The following MMP2 variants were observed in gnomAD, a reference collection of about 807,000 sequenced individuals.
MMP2 encodes the protein 72 kDa type IV collagenase.
A neutral mutation model predicts 74.8 loss-of-function variants in MMP2; 39 were observed. The observed-to-expected ratio is 0.52, with a 90% CI of 0.40 to 0.68. The LOEUF (loss-of-function observed/expected upper bound fraction) is 0.68. Ranked by LOEUF, MMP2 falls within the 30% of genes least tolerant of loss-of-function variation. The probability of loss-of-function intolerance (pLI) is 0.00; values close to 1 mark genes in which losing one functional copy is unlikely to be tolerated. For missense variants in MMP2, 803 were observed against 878.3 expected, an observed-to-expected ratio of 0.91 and a Z score of 1.08; for synonymous variants, 367 against 339.8, an observed-to-expected ratio of 1.08 and a Z score of -0.88.
rs1254651164 is a variant in MMP2, at chr16:55,489,661, T to C, written c.1017T>C (p.Thr339=). ...TCCCTAACCCCACAGCCATGTCCAC[T>C]GTTGGTGGGAACTCAGAAGGTGCCC... ...YGFCPETAMS[T]VGGNSEGAPC... Residue 339 remains threonine, a synonymous_variant, in exon 7 of 13, where the codon ACT becomes ACC. Coordinates refer to ENST00000219070, the MANE Select transcript of MMP2 (RefSeq NM_004530.6). 23 of 1,614,180 alleles carry C rather than the reference T, an allele frequency of 1.4e-5. No homozygotes were observed. The highest frequency in any genetic ancestry group is 1.9e-5 in the Non-Finnish European group (23 of 1,180,032).
chr16:55,496,794 C>T, intron 9 of MMP2, 132 bp from the exon 10 acceptor site: 1 of 1,285,294 alleles, frequency 7.8e-7, no homozygotes, highest in South Asian at 1.2e-5. Context: ...TCCAACCTTC[C>T]TTTGATCCTG....
At chr16:55,481,656 G>A (rs894734001) in intron 1 of MMP2, 1 of 522,336 alleles carries the variant, frequency 1.9e-6, no homozygotes, top group Non-Finnish European at 3.5e-6. Flanking sequence ...GAACACCTCT[G>A]ACAAATGGAA....
In MMP2 at chr16:55,497,018, C is replaced by A. The variant is rs762457388; in HGVS notation, c.1565C>A (p.Ala522Glu). 1.2e-6 allele frequency: 2 copies of A among 1,613,988 alleles called. No individual in the cohort carries two copies. Among genetic ancestry groups the A allele is most frequent in the African/African-American group, 2.7e-5 (2 of 74,916 alleles). ...FWPELPEKID[A>E]VYEAPQEEKA... ...CCTGAGCTCCCGGAAAAGATTGATG[C>A]GGTATACGAGGCCCCACAGGAGGAG... Residue 522 changes from alanine (A) to glutamate (E), a missense_variant, in exon 10 of 13, where the codon GCG becomes GAG. Ala to Glu is a moderately radical substitution (Grantham distance 107). Coordinates refer to ENST00000219070, the MANE Select transcript of MMP2 (RefSeq NM_004530.6).
At chr16:55,482,325 C>T (rs1962124995) in intron 1 of MMP2, among the ~76,000 whole-genome samples, 1 of 152,214 alleles carries the variant, frequency 6.6e-6, no homozygotes. Context: ...AAACCCAGGT[C>T]TGTCTACTGC....
intron 8 of MMP2, among the ~76,000 whole-genome samples, chr16:55,492,636 G>A (rs534257270): frequency 4.6e-5 from 7 of 152,224 alleles, no homozygotes; most frequent in South Asian, 4.1e-4. Flanking sequence ...AAGGTCTGCC[G>A]TGAGGGGTGC....
intron 3 of MMP2, among the ~76,000 whole-genome samples, 193 bp downstream of exon 3, chr16:55,484,357 G>A (rs1466768692): frequency 6.6e-6 from 1 of 152,106 alleles, no homozygotes; most frequent in East Asian, 1.9e-4. Context: ...GTTGACATGG[G>A]GGCAGATGGT....
At chr16:55,503,882 A>G (rs1962730285) in intron 12 of MMP2, among the ~76,000 whole-genome samples, 1 of 152,164 alleles carries the variant, frequency 6.6e-6, no homozygotes, top group Admixed American at 6.6e-5. Flanking sequence ...GGCAGCTGCC[A>G]TGGTTCACAC....
chr16:55,502,730 G>A, intron 11 of MMP2, 49 bp from the exon 12 acceptor site: 1 of 1,533,510 alleles, frequency 6.5e-7, no homozygotes, highest in South Asian at 1.1e-5. Flanking sequence ...CAGGGGGGAA[G>A]TGTCCTTTAG....
intron 8 of MMP2, among the ~76,000 whole-genome samples, chr16:55,492,426 A>ATTATTTATTTAT (rs3996855): frequency 1.4e-5 from 2 of 143,390 alleles, no homozygotes; most frequent in Non-Finnish European, 3.1e-5. Flanking sequence ...CCTTAAGCCA[A>ATTATTTATTTAT]TTATTTATTT....
intron 5 of MMP2, 126 bp from the exon 6 acceptor site, chr16:55,488,417 T>C: frequency 1.1e-6 from 1 of 943,562 alleles, no homozygotes; most frequent in Non-Finnish European, 1.6e-6. Flanking sequence ...CCAGTAGAGA[T>C]GTTTTCTTAA....
chr16:55,497,153 C>T, intron 10 of MMP2, 91 bp downstream of exon 10: 4 of 1,564,734 alleles, frequency 2.6e-6, no homozygotes, highest in South Asian at 2.2e-5. Flanking sequence ...CCCTCTCAAA[C>T]CACAGTTCCT....
At chr16:55,505,095 G>T (rs986994765) in intron 12 of MMP2, among the ~76,000 whole-genome samples, 2 of 151,994 alleles carry the variant, frequency 1.3e-5, no homozygotes, top group Non-Finnish European at 2.9e-5. Context: ...TGGACTACAG[G>T]AATGTACCAC....
At chr16:55,498,554 T>G in intron 11 of MMP2, 106 bp downstream of exon 11, 1 of 1,454,170 alleles carries the variant, frequency 6.9e-7, no homozygotes, top group Non-Finnish European at 9.6e-7. Flanking sequence ...GTTGGTGGGC[T>G]CTGGATGCCC....
chr16:55,479,742 G>A, intron 1 of MMP2, 110 bp downstream of exon 1: 1 of 1,430,150 alleles, frequency 7.0e-7, no homozygotes, highest in Non-Finnish European at 9.7e-7. Context: ...CGTGGGGGAG[G>A]GGCTTCGGTA....
chr16:55,479,288 C>A lies in MMP2; in HGVS notation c.-192C>A. 1 of 476,864 alleles carries A rather than the reference C, an allele frequency of 2.1e-6. No individual in the cohort carries two copies. Among genetic ancestry groups the A allele is most frequent in the Non-Finnish European group, 3.2e-6 (1 of 313,428 alleles). The allele number at this position is 476,864 out of a possible 1,614,324, so 29.5% of individuals were successfully genotyped here. A position where few individuals can be genotyped will look rare whatever the true frequency, so the allele number is the denominator to read the frequency against. ...GGATTGCCAGGACCTGCGGCGGCGG[C>A]GGCGGCGGCGGGGGCTGGGGCGCGG... On this transcript the variant is annotated 5_prime_UTR_variant, in exon 1 of 13. Coordinates refer to ENST00000219070, the MANE Select transcript of MMP2 (RefSeq NM_004530.6).
rs192216470 is a variant in MMP2, at chr16:55,491,732, G to A, written c.1181-69G>A. ...TGTCCTCAAAAGTCTGCATCACTGG[G>A]TCAGGTCTTGACTTCTCTCTCATCT... On this transcript the variant is annotated intron_variant, in intron 7 of 12. Coordinates refer to ENST00000219070, the MANE Select transcript of MMP2 (RefSeq NM_004530.6). The A allele has an allele frequency of 3.0e-3, 4,737 of 1,568,842 alleles. 8 individuals are homozygous for A. The highest frequency in any genetic ancestry group is 3.8e-3 in the Non-Finnish European group (4,378 of 1,139,058).
intron 12 of MMP2, among the ~76,000 whole-genome samples, chr16:55,503,411 T>C (rs745442817): frequency 5.3e-5 from 8 of 152,122 alleles, no homozygotes; most frequent in Non-Finnish European, 8.8e-5. Context: ...TTGAAAATCA[T>C]ACTCTTGAGG....
intron 11 of MMP2, among the ~76,000 whole-genome samples, chr16:55,499,396 C>G (rs1274030423): frequency 6.6e-6 from 1 of 152,046 alleles, no homozygotes; most frequent in Non-Finnish European, 1.5e-5. Context: ...GATGGGTGCA[C>G]CAGTCATCCA....
Position 55,491,793 on chromosome 16 carries a change from A to C in MMP2, c.1181-8A>C, listed in dbSNP as rs569670960. On this transcript the variant is annotated splice_polypyrimidine_tract_variant and splice_region_variant and intron_variant, in intron 7 of 12. Coordinates refer to ENST00000219070, the MANE Select transcript of MMP2 (RefSeq NM_004530.6). The stretch of plus-strand genomic sequence containing the variant: ...CTTTCAACCCTCTCTCCTCCCTGCA[A>C]CCCTCAGGGTACAGCCTGTTCCTCG... 6.2e-7 allele frequency: 1 copy of C among 1,613,852 alleles called. No individual in the cohort carries two copies. The highest frequency in any genetic ancestry group is 8.5e-7 in the Non-Finnish European group (1 of 1,179,960).
Sources: allele counts gnomAD v4.1 joint callset (sites outside exome capture counted in the v4.1 genomes callset), GRCh38; gene constraint gnomAD v4.1.1; transcripts MANE v1.5; gene names NCBI Gene and HGNC (gene_info 2026-07-23, HGNC 2026-07-21).